Variants in DTL observed in about 807,000 individuals in gnomAD.
The protein encoded by DTL is denticleless protein homolog.
DTL carries 46 observed loss-of-function variants against 87.0 expected under a neutral mutation model. The ratio of observed to expected loss-of-function variants is 0.53; its 90% CI spans 0.42 to 0.68. The LOEUF is 0.68. DTL is among the 30% of genes least tolerant of loss of function. The pLI is 0.00. For missense variants in DTL, 737 were observed against 869.4 expected (o/e 0.85, Z 1.91); for synonymous variants, 308 against 311.2 (o/e 0.99, Z 0.11).
At chr1:212,050,371 A>G (rs1667930869) in intron 5 of DTL, among the ~76,000 whole-genome samples, 1 of 152,188 alleles carries the variant, frequency 6.6e-6, no homozygotes, top group Admixed American at 6.5e-5. Context: ...CTAAGTATCT[A>G]CCAACTAAAA....
At chr1:212,096,884 G>C (rs1045174754) in intron 13 of DTL, among the ~76,000 whole-genome samples, 1 of 152,172 alleles carries the variant, frequency 6.6e-6, no homozygotes, top group African/African-American at 2.4e-5. Context: ...GTAAATACCT[G>C]TTAAGTCCAT....
chr1:212,071,952 A>G, intron 10 of DTL, 149 bp from the exon 11 acceptor site: 2 of 577,844 alleles, frequency 3.5e-6, no homozygotes, highest in Non-Finnish European at 6.1e-6. Flanking sequence ...GCCAATGTCT[A>G]GTTCCCTTGT....
chr1:212,088,693 G>A (rs1244091146), intron 13 of DTL, among the ~76,000 whole-genome samples: 3 of 152,246 alleles, frequency 2.0e-5, no homozygotes, highest in Non-Finnish European at 4.4e-5. Flanking sequence ...TACACAGCTT[G>A]TTCAGGAAGC....
At chr1:212,039,386 T>G (rs1187671763) in intron 1 of DTL, among the ~76,000 whole-genome samples, 2 of 152,188 alleles carry the variant, frequency 1.3e-5, no homozygotes, top group Non-Finnish European at 2.9e-5. Flanking sequence ...TTAAAAATAT[T>G]TGATACCCAA....
intron 13 of DTL, among the ~76,000 whole-genome samples, chr1:212,090,792 T>A (rs1291163394): frequency 6.6e-6 from 1 of 152,238 alleles, no homozygotes; most frequent in Non-Finnish European, 1.5e-5. Context: ...CTGATAACCT[T>A]AACAAATAAT....
At position 212,080,893 on chromosome 1, in the gene DTL, A is replaced by T. The variant is rs1654971960; in HGVS notation, c.1261+143A>T. On this transcript the variant is annotated intron_variant, in intron 13 of 14. Transcript: ENST00000366991. ...TTCTTGCCATTCATTCTTTTTGATA[A>T]GTATTTCCCAAGCACTACTATGTTT... is the stretch of plus-strand genomic sequence containing the variant. 2.4e-5 allele frequency: 21 copies of T among 866,876 alleles called. No homozygotes were observed. In the East Asian group the frequency reaches 5.6e-4, roughly 23 times the overall value. The allele number at this position is 866,876 out of a possible 1,614,324, so 53.7% of individuals were successfully genotyped here.
At chr1:212,091,412 A>C (rs888046599) in intron 13 of DTL, among the ~76,000 whole-genome samples, 1 of 152,212 alleles carries the variant, frequency 6.6e-6, no homozygotes, top group Non-Finnish European at 1.5e-5. Context: ...AAAATTGAAA[A>C]TAGAACTACC....
At chr1:212,081,655 A>G (rs188222174) in intron 13 of DTL, among the ~76,000 whole-genome samples, 1 of 152,358 alleles carries the variant, frequency 6.6e-6, no homozygotes, top group Admixed American at 6.5e-5. Context: ...AGCTATGGTG[A>G]GAAGTCATCC....
chr1:212,050,441 C>G (rs1667932950), intron 5 of DTL, among the ~76,000 whole-genome samples: 1 of 152,204 alleles, frequency 6.6e-6, no homozygotes, highest in South Asian at 2.1e-4. Flanking sequence ...ATTAGAACTT[C>G]TAGTGGATAA....
intron 6 of DTL, among the ~76,000 whole-genome samples, chr1:212,064,598 A>G (rs2102550259): frequency 6.6e-6 from 1 of 152,206 alleles, no homozygotes; most frequent in African/African-American, 2.4e-5. Context: ...CCTCCATGTC[A>G]TTTTATGGCT....
At chr1:212,048,423 C>T (rs1667868284) in intron 5 of DTL, among the ~76,000 whole-genome samples, 1 of 152,130 alleles carries the variant, frequency 6.6e-6, no homozygotes, top group Non-Finnish European at 1.5e-5. Flanking sequence ...GAACTCCTGA[C>T]CTCGTGATCC....
At chr1:212,069,094 C>T (rs1654594903) in intron 10 of DTL, among the ~76,000 whole-genome samples, 1 of 152,006 alleles carries the variant, frequency 6.6e-6, no homozygotes, top group African/African-American at 2.4e-5. Flanking sequence ...ATAGTTTCAG[C>T]CTATCTCAGC....
chr1:212,078,103 T>C (rs1280448211), intron 11 of DTL, 70 bp from the exon 12 acceptor site: 5 of 941,222 alleles, frequency 5.3e-6, no homozygotes, highest in South Asian at 2.7e-5. Flanking sequence ...GACACACTTC[T>C]GAATTCAAAG....
At chr1:212,087,651 C>T (rs1024436140) in intron 13 of DTL, among the ~76,000 whole-genome samples, 8 of 152,132 alleles carry the variant, frequency 5.3e-5, no homozygotes, top group Admixed American at 5.2e-4. Context: ...GCTAGGGTTA[C>T]TCTGAAGAGC....
At chr1:212,060,815 A>G (rs960851952) in intron 5 of DTL, among the ~76,000 whole-genome samples, 16 of 152,072 alleles carry the variant, frequency 1.1e-4, no homozygotes, top group Non-Finnish European at 1.9e-4. Flanking sequence ...AGAAGAAAAC[A>G]TAGGGAAAAC....
intron 11 of DTL, chr1:212,077,495 A>C (rs899340218): frequency 1.3e-5 from 2 of 152,514 alleles, no homozygotes; most frequent in African/African-American, 2.4e-5. Context: ...AGAGGAAAAA[A>C]ATGTTTTTCA....
At chr1:212,050,556 C>G (rs1667941758) in intron 5 of DTL, among the ~76,000 whole-genome samples, 1 of 152,178 alleles carries the variant, frequency 6.6e-6, no homozygotes, top group Admixed American at 6.5e-5. Flanking sequence ...GAATCTCTTG[C>G]AAGTGGGCCA....
chr1:212,091,733 G>GA (rs1558089797), intron 13 of DTL, among the ~76,000 whole-genome samples: 4 of 152,170 alleles, frequency 2.6e-5, no homozygotes, highest in African/African-American at 9.7e-5. Context: ...ATCTTAAAAA[G>GA]TTGAACTCAT....
intron 5 of DTL, among the ~76,000 whole-genome samples, chr1:212,049,976 C>T (rs534330377): frequency 1.4e-5 from 2 of 142,750 alleles, no homozygotes; most frequent in South Asian, 2.4e-4. Flanking sequence ...CAGGAGTTCA[C>T]GACCAGCCTG....
Sources: allele counts gnomAD v4.1 joint callset (sites outside exome capture counted in the v4.1 genomes callset), GRCh38; gene constraint gnomAD v4.1.1; transcripts MANE v1.5; gene names NCBI Gene and HGNC (gene_info 2026-07-23, HGNC 2026-07-21).